The following DNAJB14 variants were observed in gnomAD, a reference collection of about 807,000 sequenced individuals.
DNAJB14 encodes dnaJ homolog subfamily B member 14.
A neutral mutation model predicts 48.4 loss-of-function variants in DNAJB14; 22 were observed. The ratio of observed to expected loss-of-function variants is 0.45; its 90% CI spans 0.32 to 0.65. The LOEUF (loss-of-function observed/expected upper bound fraction) is 0.65, where lower values mean the gene tolerates loss of function less well. DNAJB14 is among the 30% of genes least tolerant of loss of function. DNAJB14 has a pLI of 0.03. For missense variants in DNAJB14, 319 were observed against 458.8 expected, an observed-to-expected ratio of 0.70 and a Z score of 2.78; for synonymous variants, 142 against 158.7, an observed-to-expected ratio of 0.89 and a Z score of 0.79.
intron 1 of DNAJB14, among the ~76,000 whole-genome samples, chr4:99,939,747 T>C (rs1019819990): frequency 6.6e-6 from 1 of 152,324 alleles, no homozygotes; most frequent in South Asian, 2.1e-4. Context: ...ATCTTAAAAA[T>C]GGAATCAGCA....
intron 5 of DNAJB14, chr4:99,906,145 A>G: frequency 5.3e-6 from 7 of 1,318,930 alleles, no homozygotes; most frequent in Non-Finnish European, 6.9e-6. Flanking sequence ...ACTTCATGTA[A>G]TTAAATTGCT....
chr4:99,908,957 A>G, intron 3 of DNAJB14, 61 bp from the exon 4 acceptor site: 1 of 1,207,612 alleles, frequency 8.3e-7, no homozygotes, highest in East Asian at 2.6e-5. Flanking sequence ...AGGCTGCCCC[A>G]CATAAAAACT....
chr4:99,921,257 T>C (rs1235231527), intron 3 of DNAJB14, among the ~76,000 whole-genome samples: 1 of 152,178 alleles, frequency 6.6e-6, no homozygotes, highest in Non-Finnish European at 1.5e-5. Context: ...CAATGTATCC[T>C]CTCCTCAGAT....
At chr4:99,906,073 T>A in intron 5 of DNAJB14, 2 of 1,315,952 alleles carry the variant, frequency 1.5e-6, no homozygotes, top group Non-Finnish European at 2.0e-6. Context: ...AGCTGATGAG[T>A]GGCAAAGCTG....
chr4:99,936,214 A>G (rs1726668941), intron 1 of DNAJB14, among the ~76,000 whole-genome samples: 1 of 152,244 alleles, frequency 6.6e-6, no homozygotes. Flanking sequence ...TTTGTTACAT[A>G]AAAGGGAAAA....
chr4:99,924,628 T>C (rs1726181660), intron 2 of DNAJB14: 4 of 1,128,036 alleles, frequency 3.5e-6, no homozygotes, highest in Admixed American at 2.8e-5. Flanking sequence ...GACAGTGTTC[T>C]AGGCATTTGA....
intron 5 of DNAJB14, chr4:99,905,956 TTC>T (rs377748303): frequency 1.4e-5 from 18 of 1,305,784 alleles, no homozygotes; most frequent in Middle Eastern, 2.1e-4. Flanking sequence ...CTTCATTTCT[TTC>T]TCTTTCTCTT....
intron 4 of DNAJB14, among the ~76,000 whole-genome samples, 167 bp from the exon 5 acceptor site, chr4:99,906,778 G>T (rs1725483163): frequency 6.6e-6 from 1 of 152,150 alleles, no homozygotes; most frequent in Admixed American, 6.5e-5. Flanking sequence ...AGGGTGGACA[G>T]AAATAGGAAT....
Position 99,946,426 on chromosome 4 carries a change from G to C in DNAJB14, c.133+13C>G. 6.2e-7 allele frequency: 1 copy of C among 1,606,040 alleles called. No individual in the cohort carries two copies. Among genetic ancestry groups the C allele is most frequent in the Non-Finnish European group, 8.5e-7 (1 of 1,176,474 alleles). On this transcript the variant is annotated intron_variant, in intron 1 of 7. Transcript: ENST00000442697. ...GGGATTGGGCAGGAAGAGAAGGGAC[G>C]CTGAGGTCTCACCGCGGGCCGAGGG...
At position 99,900,951 on chromosome 4, in the gene DNAJB14, C is replaced by T; in HGVS notation, c.*77G>A. 1.4e-6 allele frequency: 2 copies of T among 1,471,036 alleles called. No homozygotes were observed. Among genetic ancestry groups the T allele is most frequent in the Non-Finnish European group, 1.8e-6 (2 of 1,097,504 alleles). 91.1% of individuals were successfully genotyped at this position (1,471,036 alleles called of 1,614,324 possible). ...GTTTTCAGTATCAAATCTTTTCCTT[C>T]ATCCCTCATGATGAAACCAAACTTA... On this transcript the variant is annotated 3_prime_UTR_variant, in exon 8 of 8. Coordinates refer to ENST00000442697, the MANE Select transcript of DNAJB14 (RefSeq NM_001031723.4).
At chr4:99,943,285 T>G (rs1395467978) in intron 1 of DNAJB14, among the ~76,000 whole-genome samples, 1 of 152,214 alleles carries the variant, frequency 6.6e-6, no homozygotes, top group African/African-American at 2.4e-5. Flanking sequence ...ATCACTTTAT[T>G]TGGTAATCAC....
At chr4:99,937,763 C>T (rs1328490445) in intron 1 of DNAJB14, among the ~76,000 whole-genome samples, 1 of 151,126 alleles carries the variant, frequency 6.6e-6, no homozygotes, top group Non-Finnish European at 1.5e-5. Context: ...ACACCAAAAA[C>T]AAATACGATG....
At chr4:99,915,224 G>A (rs749863454) in intron 3 of DNAJB14, among the ~76,000 whole-genome samples, 54 of 152,120 alleles carry the variant, frequency 3.5e-4, no homozygotes, top group Middle Eastern at 3.4e-3. Context: ...TGCGAGCTCC[G>A]CCTCCCAGGT....
At chr4:99,910,901 A>G (rs773480221) in intron 3 of DNAJB14, among the ~76,000 whole-genome samples, 2 of 151,994 alleles carry the variant, frequency 1.3e-5, no homozygotes, top group Non-Finnish European at 2.9e-5. Flanking sequence ...AATTTTTCCC[A>G]ACAGTAATAT....
chr4:99,940,633 A>T (rs1726856506), intron 1 of DNAJB14, among the ~76,000 whole-genome samples: 1 of 152,134 alleles, frequency 6.6e-6, no homozygotes, highest in Non-Finnish European at 1.5e-5. Flanking sequence ...AAAATCACTT[A>T]TAAATCCCCT....
intron 2 of DNAJB14, chr4:99,928,427 TC>T (rs1196547094): frequency 4.2e-6 from 1 of 238,724 alleles, no homozygotes; most frequent in African/African-American, 2.3e-5. Flanking sequence ...ATTCTTCCAT[TC>T]TCAAGGTGTC....
At chr4:99,912,232 A>T (rs1418410621) in intron 3 of DNAJB14, among the ~76,000 whole-genome samples, 1 of 152,074 alleles carries the variant, frequency 6.6e-6, no homozygotes, top group Non-Finnish European at 1.5e-5. Context: ...CTATTGATCT[A>T]TGTGTGTATC....
intron 7 of DNAJB14, among the ~76,000 whole-genome samples, chr4:99,901,922 T>A (rs1725307435): frequency 6.6e-6 from 1 of 152,286 alleles, no homozygotes; most frequent in East Asian, 1.9e-4. Flanking sequence ...CTGGTTTATA[T>A]GGATTAGTCA....
chr4:99,924,110 T>C (rs1208734669), intron 2 of DNAJB14, among the ~76,000 whole-genome samples: 1 of 152,112 alleles, frequency 6.6e-6, no homozygotes, highest in East Asian at 1.9e-4. Flanking sequence ...TTCCACAACC[T>C]AGTAATTTAC....
Sources: gnomAD v4.1 joint callset for allele counts (sites outside exome capture counted in the v4.1 genomes callset) on GRCh38, gnomAD v4.1.1 for gene constraint, MANE v1.5 for transcripts, NCBI Gene and HGNC (gene_info 2026-07-23, HGNC 2026-07-21) for gene names.